The following NRXN3 variants were observed in gnomAD, a reference collection of about 807,000 sequenced individuals.
NRXN3 encodes the protein neurexin III.
Under a neutral mutation model 137.6 loss-of-function variants are expected in NRXN3, and 32 were observed. The ratio of observed to expected loss-of-function variants is 0.23; its 90% CI spans 0.18 to 0.31. NRXN3 has a LOEUF of 0.31. Among genes scored for constraint, NRXN3 ranks in the 10% least tolerant of loss-of-function variants. The pLI is 1.00. For synonymous variants in NRXN3, 798 were observed against 784.5 expected (o/e 1.02, Z -0.29); for missense variants, 1,574 against 2,062.5 (o/e 0.76, Z 4.59).
chr14:78,549,862 T>G (rs1253584789), intron 4 of NRXN3, among the ~76,000 whole-genome samples: 5 of 152,038 alleles, frequency 3.3e-5, no homozygotes, highest in Admixed American at 2.6e-4. Flanking sequence ...CTCCTTCCTT[T>G]TCTCTCATCT....
intron 4 of NRXN3, among the ~76,000 whole-genome samples, chr14:78,457,334 G>C (rs572201874): frequency 6.6e-6 from 1 of 152,140 alleles, no homozygotes; most frequent in Non-Finnish European, 1.5e-5. Context: ...GCCCAGCCAG[G>C]ATTACTTCTT....
intron 1 of NRXN3, among the ~76,000 whole-genome samples, chr14:78,213,939 C>T (rs947143696): frequency 6.6e-6 from 1 of 152,230 alleles, no homozygotes; most frequent in African/African-American, 2.4e-5. Context: ...CTCATGTGAG[C>T]ATGTTATCTG....
intron 1 of NRXN3, among the ~76,000 whole-genome samples, chr14:78,175,046 C>T (rs996473355): frequency 2.6e-5 from 4 of 152,192 alleles, no homozygotes; most frequent in Non-Finnish European, 5.9e-5. Context: ...AAATCACCCT[C>T]GGCCGTGAGA....
chr14:79,188,964 T>G (rs2014117749), intron 15 of NRXN3, among the ~76,000 whole-genome samples: 1 of 152,118 alleles, frequency 6.6e-6, no homozygotes, highest in South Asian at 2.1e-4. Context: ...TCAACCCTTG[T>G]GGAAGTCAGT....
At position 78,451,963 on chromosome 14, in the gene NRXN3, C is replaced by A. The variant is rs1598845584; in HGVS notation, c.757+154103C>A. ...AATTTAGAAAATAATAGAATCTTAT[C>A]AAATATGGACTACATCCTCAGGAGA... On this transcript the variant is annotated intron_variant, in intron 4 of 20. Coordinates refer to ENST00000335750, the MANE Select transcript of NRXN3 (RefSeq NM_001330195.2). Among the ~76,000 whole-genome samples the A allele has an allele frequency of 5.3e-5, 8 of 152,286 alleles. No homozygotes were observed. The South Asian group carries it at 1.7e-3, about 32-fold the overall frequency.
intron 16 of NRXN3, among the ~76,000 whole-genome samples, chr14:79,635,375 G>T (rs1243204495): frequency 6.6e-6 from 1 of 152,190 alleles, no homozygotes; most frequent in Non-Finnish European, 1.5e-5. Context: ...GACATGGAAG[G>T]CAAGAGAAAT....
chr14:78,832,595 T>A (rs2098985506), intron 10 of NRXN3, among the ~76,000 whole-genome samples: 1 of 151,448 alleles, frequency 6.6e-6, no homozygotes, highest in Admixed American at 6.6e-5. Context: ...GGGAGTGGGG[T>A]AAAGGAGGAG....
At chr14:78,203,803 GGTGTGTGTGT>G (rs3059003) in intron 1 of NRXN3, among the ~76,000 whole-genome samples, 18 of 133,948 alleles carry the variant, frequency 1.3e-4, no homozygotes, top group Non-Finnish European at 2.2e-4. Flanking sequence ...GATCCTTCCA[GGTGTGTGTGT>G]GTGTGTGTGT....
In NRXN3 at chr14:79,624,439, G is replaced by GTA. The variant is rs5809946; in HGVS notation, c.3445-39325_3445-39324dup. Among the ~76,000 whole-genome samples the GTA allele has an allele frequency of 3.8e-3, 577 of 150,070 alleles. 2 individuals carry two copies. Among genetic ancestry groups the GTA allele is most frequent in the African/African-American group, 7.8e-3 (320 of 40,994 alleles). On this transcript the variant is annotated intron_variant, in intron 16 of 20. Coordinates refer to ENST00000335750, the MANE Select transcript of NRXN3 (RefSeq NM_001330195.2). ...GTACATTTAAGGTGTCTCCATATAT[G>GTA]TATATATATATATATGTATACATAG...
chr14:79,347,648 C>G (rs1428522592), intron 15 of NRXN3, among the ~76,000 whole-genome samples: 1 of 152,124 alleles, frequency 6.6e-6, no homozygotes, highest in Non-Finnish European at 1.5e-5. Context: ...GTCTGGATCT[C>G]CTGACCTTGT....
At chr14:79,258,457 G>A (rs1019621811) in intron 15 of NRXN3, among the ~76,000 whole-genome samples, 5 of 151,770 alleles carry the variant, frequency 3.3e-5, no homozygotes, top group South Asian at 2.1e-4. Flanking sequence ...TGCCCATCTC[G>A]GCCTCCCAAA....
In NRXN3 at chr14:79,095,979, A is replaced by AT. The variant is rs56784418; in HGVS notation, c.3262+107844dup. Among the ~76,000 whole-genome samples the AT allele has an allele frequency of 8.1e-3, 1,226 of 152,180 alleles. 13 individuals are homozygous for AT. Among genetic ancestry groups the AT allele is most frequent in the African/African-American group, 0.028 (1,148 of 41,522 alleles). Reference sequence around the variant, plus strand: ...TGCTAGATTCTAGAAAATTTTAAAAATTTTTTACCAGTCTCCCAGTTGTGA... The same window carrying AT: ...TGCTAGATTCTAGAAAATTTTAAAAATTTTTTTACCAGTCTCCCAGTTGTGA... On this transcript the variant is annotated intron_variant, in intron 15 of 20. Transcript: ENST00000335750.
At chr14:78,494,051 G>C (rs1463983977) in intron 4 of NRXN3, among the ~76,000 whole-genome samples, 2 of 152,076 alleles carry the variant, frequency 1.3e-5, no homozygotes, top group Non-Finnish European at 2.9e-5. Flanking sequence ...TTGTCCCTTG[G>C]TCCTAGCCAT....
intron 15 of NRXN3, chr14:79,074,523 G>A (rs370309059): frequency 3.3e-5 from 5 of 152,320 alleles, no homozygotes; most frequent in African/African-American, 1.2e-4. Flanking sequence ...AGTGTTTCAA[G>A]GAAGGAGGCT....
At chr14:78,767,519 T>A (rs1312263984) in intron 8 of NRXN3, among the ~76,000 whole-genome samples, 1 of 152,174 alleles carries the variant, frequency 6.6e-6, no homozygotes, top group Non-Finnish European at 1.5e-5. Flanking sequence ...ACTGTCAACG[T>A]GCAATACCCC....
chr14:78,691,331 C>T (rs1010093633), intron 6 of NRXN3, among the ~76,000 whole-genome samples: 1 of 152,086 alleles, frequency 6.6e-6, no homozygotes, highest in African/African-American at 2.4e-5. Context: ...CCTATATCAT[C>T]GGTGGTTGAA....
chr14:79,727,024 G>T (rs2098894538), intron 19 of NRXN3, among the ~76,000 whole-genome samples: 1 of 152,136 alleles, frequency 6.6e-6, no homozygotes, highest in African/African-American at 2.4e-5. Flanking sequence ...ATAGTATCTG[G>T]CAGGGTAGGT....
intron 4 of NRXN3, among the ~76,000 whole-genome samples, chr14:78,319,644 G>C (rs980114689): frequency 2.6e-5 from 4 of 152,154 alleles, no homozygotes; most frequent in African/African-American, 9.7e-5. Flanking sequence ...ACTCCCAACA[G>C]CGATGACAAT....
chr14:78,266,456 G>A (rs992411245), intron 2 of NRXN3, among the ~76,000 whole-genome samples: 9 of 151,880 alleles, frequency 5.9e-5, no homozygotes, highest in African/African-American at 1.7e-4. Context: ...ATACCACCAC[G>A]CCCAGCTAAT....
Sources: gnomAD v4.1 joint callset for allele counts (sites outside exome capture counted in the v4.1 genomes callset) on GRCh38, gnomAD v4.1.1 for gene constraint, MANE v1.5 for transcripts, NCBI Gene and HGNC (gene_info 2026-07-23, HGNC 2026-07-21) for gene names.